Variants in HECW1 observed in about 807,000 individuals in gnomAD.
HECW1 encodes E3 ubiquitin-protein ligase HECW1.
Under a neutral mutation model 182.3 loss-of-function variants are expected in HECW1, and 61 were observed. The ratio of observed to expected loss-of-function variants is 0.33; its 90% confidence interval spans 0.27 to 0.41. HECW1 has a LOEUF of 0.41. Among genes scored for constraint, HECW1 ranks in the 10% least tolerant of loss-of-function variants. HECW1 has a pLI of 1.00. For synonymous variants in HECW1, 859 were observed against 832.6 expected, an observed-to-expected ratio of 1.03 and a Z score of -0.55; for missense variants, 1,739 against 2,108.9, an observed-to-expected ratio of 0.82 and a Z score of 3.44.
chr7:43,275,625 G>T (rs990987411), intron 3 of HECW1, among the ~76,000 whole-genome samples: 5 of 152,072 alleles, frequency 3.3e-5, no homozygotes, highest in Admixed American at 2.0e-4. Context: ...AAATTACGGA[G>T]CTGCCTTGAA....
intron 5 of HECW1, among the ~76,000 whole-genome samples, chr7:43,349,058 GA>G (rs1814058761): frequency 6.6e-6 from 1 of 151,944 alleles, no homozygotes; most frequent in Non-Finnish European, 1.5e-5. Flanking sequence ...TTTTGAGACG[GA>G]ATTTTGCTCT....
At chr7:43,213,680 C>T (rs1237980784) in intron 2 of HECW1, among the ~76,000 whole-genome samples, 2 of 151,868 alleles carry the variant, frequency 1.3e-5, no homozygotes, top group Non-Finnish European at 1.5e-5. Flanking sequence ...CTCCTGACCT[C>T]GTGATCCACC....
At chr7:43,148,142 A>G (rs1401004283) in intron 2 of HECW1, among the ~76,000 whole-genome samples, 1 of 152,210 alleles carries the variant, frequency 6.6e-6, no homozygotes, top group Non-Finnish European at 1.5e-5. Context: ...AAGGGGGCAG[A>G]AAGGGGAATG....
At chr7:43,354,001 TA>T (rs1286461772) in intron 5 of HECW1, among the ~76,000 whole-genome samples, 4 of 152,148 alleles carry the variant, frequency 2.6e-5, no homozygotes, top group African/African-American at 9.7e-5. Context: ...AGTCCTGGGA[TA>T]AACCTTTTGG....
intron 2 of HECW1, among the ~76,000 whole-genome samples, chr7:43,173,374 G>A (rs1306044286): frequency 2.0e-5 from 3 of 152,334 alleles, no homozygotes; most frequent in East Asian, 3.9e-4. Context: ...CAGTGACCAT[G>A]TGTTGCCTCC....
At chr7:43,216,992 C>G (rs903911637) in intron 2 of HECW1, among the ~76,000 whole-genome samples, 7 of 152,124 alleles carry the variant, frequency 4.6e-5, no homozygotes, top group African/African-American at 1.7e-4. Flanking sequence ...CCAGAGGGAC[C>G]AGCTGTCAAG....
At chr7:43,113,010 C>A (rs551716882) in intron 1 of HECW1, 73 bp downstream of exon 1, 2 of 193,176 alleles carry the variant, frequency 1.0e-5, no homozygotes, top group African/African-American at 2.3e-5. Flanking sequence ...GCTTCCCCGC[C>A]GCACGCGAGG....
intron 3 of HECW1, among the ~76,000 whole-genome samples, chr7:43,296,745 G>T (rs1190244225): frequency 6.6e-6 from 1 of 152,172 alleles, no homozygotes; most frequent in African/African-American, 2.4e-5. Flanking sequence ...TTCCAACAAC[G>T]TTCTTCTTGA....
intron 4 of HECW1, among the ~76,000 whole-genome samples, chr7:43,319,303 C>T (rs1025840240): frequency 6.9e-6 from 1 of 145,748 alleles, no homozygotes; most frequent in African/African-American, 2.5e-5. Context: ...AGGAGAATGG[C>T]GTGAACCCGG....
chr7:43,243,864 CT>C lies in HECW1; in HGVS notation c.-31-7del. On this transcript the variant is annotated splice_polypyrimidine_tract_variant and intron_variant, in intron 2 of 29. Coordinates refer to ENST00000395891, the MANE Select transcript of HECW1 (RefSeq NM_015052.5). The surrounding 1 kb of genome is among the most constrained non-coding windows in gnomAD (Gnocchi z 4.0). ...TACACGCTAAGTTAACCTCGTTGGA[CT>C]TTTCCCCAGGAATTGATGCGCGTAC... is the stretch of plus-strand genomic sequence containing the variant. 6.2e-7 allele frequency: 1 copy of C among 1,610,026 alleles called. No homozygotes were observed. Among genetic ancestry groups the C allele is most frequent in the Non-Finnish European group, 8.5e-7 (1 of 1,176,298 alleles).
intron 8 of HECW1, among the ~76,000 whole-genome samples, chr7:43,427,407 C>G (rs910580890): frequency 3.3e-5 from 5 of 152,148 alleles, no homozygotes; most frequent in African/African-American, 9.7e-5. Context: ...CTTCAGAGCT[C>G]TTTTTCTTAG....
intron 24 of HECW1, among the ~76,000 whole-genome samples, chr7:43,519,777 G>A (rs950711388): frequency 1.3e-5 from 2 of 152,178 alleles, no homozygotes; most frequent in African/African-American, 4.8e-5. Flanking sequence ...ATTGTTGAGA[G>A]AAGAAAAGCA....
intron 5 of HECW1, among the ~76,000 whole-genome samples, chr7:43,328,457 G>A (rs538377360): frequency 5.3e-5 from 8 of 152,344 alleles, no homozygotes; most frequent in African/African-American, 1.9e-4. Context: ...GGTTGCTGCT[G>A]GTCCCTGTCT....
chr7:43,371,304 A>G (rs969484449), intron 6 of HECW1, among the ~76,000 whole-genome samples: 1 of 152,206 alleles, frequency 6.6e-6, no homozygotes, highest in Admixed American at 6.5e-5. Flanking sequence ...CACTTTGGGT[A>G]ATAATGATGT....
intron 2 of HECW1, among the ~76,000 whole-genome samples, chr7:43,162,576 T>C (rs545997357): frequency 6.6e-6 from 1 of 152,346 alleles, no homozygotes; most frequent in African/African-American, 2.4e-5. Context: ...ATGCACCCTT[T>C]TCCCAGATAA....
chr7:43,412,707 G>C (rs2152849581), intron 8 of HECW1, among the ~76,000 whole-genome samples: 1 of 150,618 alleles, frequency 6.6e-6, no homozygotes, highest in East Asian at 2.0e-4. Flanking sequence ...TGCGGTGTTT[G>C]GTTTTTAGTT....
chr7:43,153,603 A>G (rs1789577083), intron 2 of HECW1, among the ~76,000 whole-genome samples: 1 of 152,288 alleles, frequency 6.6e-6, no homozygotes, highest in South Asian at 2.1e-4. Flanking sequence ...GGAGAGTGGA[A>G]AGACTTTGAA....
At chr7:43,403,498 G>A (rs989392372) in intron 7 of HECW1, among the ~76,000 whole-genome samples, 16 of 152,164 alleles carry the variant, frequency 1.1e-4, no homozygotes, top group Non-Finnish European at 1.5e-4. Context: ...GGTAGAGAGC[G>A]GAAGAGGGAC....
At chr7:43,415,214 G>A (rs1046481165) in intron 8 of HECW1, among the ~76,000 whole-genome samples, 2 of 149,054 alleles carry the variant, frequency 1.3e-5, no homozygotes, top group Non-Finnish European at 3.0e-5. Flanking sequence ...GCTCTTTTAG[G>A]GCAGGCCTGG....
Sources: gnomAD v4.1 joint callset for allele counts (sites outside exome capture counted in the v4.1 genomes callset) on GRCh38, gnomAD v4.1.1 for gene constraint, Gnocchi (gnomAD v3.1) non-coding constraint, MANE v1.5 for transcripts, NCBI Gene and HGNC (gene_info 2026-07-23, HGNC 2026-07-21) for gene names.